ZBTB20: variants seen among roughly 807,000 people sequenced by gnomAD.
The protein encoded by ZBTB20 is zinc finger and BTB domain-containing protein 20.
A neutral mutation model predicts 56.9 loss-of-function variants in ZBTB20; 9 were observed. That is an observed-to-expected ratio of 0.16 (90% confidence interval 0.10 to 0.28). ZBTB20 has a LOEUF of 0.28. ZBTB20 is among the 10% of genes least tolerant of loss of function. The pLI, the probability that ZBTB20 is intolerant of heterozygous loss-of-function variation, is 1.00. For missense variants in ZBTB20, 655 were observed against 1,003.0 expected, an observed-to-expected ratio of 0.65 and a Z score of 4.69; for synonymous variants, 417 against 420.7, an observed-to-expected ratio of 0.99 and a Z score of 0.11.
intron 6 of ZBTB20, among the ~76,000 whole-genome samples, chr3:114,663,751 A>T (rs2060886888): frequency 6.6e-6 from 1 of 151,722 alleles, no homozygotes; most frequent in South Asian, 2.1e-4. Context: ...AGTCTCTGAT[A>T]AAACAGACTT....
rs2079134465 is a variant in ZBTB20 at position 114,328,552 on chromosome 3, G to T, written c.*10453C>A. The T allele has an allele frequency of 6.6e-6, 1 of 151,870 alleles. No individual in the cohort carries two copies. Among genetic ancestry groups the T allele is most frequent in the Admixed American group, 6.6e-5 (1 of 15,252 alleles). The allele number at this position is 151,870 out of a possible 1,614,324, so 9.4% of individuals were successfully genotyped here. A position where few individuals can be genotyped will look rare whatever the true frequency, so the allele number is the denominator to read the frequency against. Reference sequence around the variant, plus strand: ...CTCTTCATTTTTGGCCAAACGTGAAGGTAAGGGGAATTAATGACCTCAGCT... The same window carrying T: ...CTCTTCATTTTTGGCCAAACGTGAATGTAAGGGGAATTAATGACCTCAGCT... On this transcript the variant is annotated 3_prime_UTR_variant, in exon 12 of 12. Transcript: ENST00000675478.
intron 6 of ZBTB20, among the ~76,000 whole-genome samples, chr3:114,684,284 T>C (rs2062180407): frequency 6.6e-6 from 1 of 152,194 alleles, no homozygotes; most frequent in African/African-American, 2.4e-5. Flanking sequence ...AGGGAGCTTT[T>C]CCCAAAATGC....
chr3:115,116,051 T>C (rs1189147237), intron 1 of ZBTB20, among the ~76,000 whole-genome samples: 1 of 152,090 alleles, frequency 6.6e-6, no homozygotes, highest in Non-Finnish European at 1.5e-5. Flanking sequence ...GGGCTTGGAT[T>C]ATTAGTATCA....
intron 7 of ZBTB20, among the ~76,000 whole-genome samples, chr3:114,402,228 T>C (rs1276860133): frequency 6.6e-6 from 1 of 152,176 alleles, no homozygotes. Flanking sequence ...GCTCTTCAAT[T>C]GTTTAGGCAT....
chr3:114,717,069 C>T (rs1560163975), intron 5 of ZBTB20, among the ~76,000 whole-genome samples: 1 of 152,082 alleles, frequency 6.6e-6, no homozygotes, highest in African/African-American at 2.4e-5. Flanking sequence ...TGACCTCTGC[C>T]TCTGCTGCCT....
intron 6 of ZBTB20, among the ~76,000 whole-genome samples, chr3:114,542,076 T>C (rs1000332035): frequency 1.3e-5 from 2 of 152,194 alleles, no homozygotes; most frequent in Non-Finnish European, 2.9e-5. Context: ...TATTGAAAGA[T>C]ACCTAGAATT....
chr3:114,713,085 G>C (rs541932034), intron 5 of ZBTB20, among the ~76,000 whole-genome samples: 17 of 152,232 alleles, frequency 1.1e-4, no homozygotes, highest in African/African-American at 4.1e-4. Flanking sequence ...GTCTGTACTA[G>C]TATACCATAT....
chr3:114,570,931 T>C (rs1489993899), intron 6 of ZBTB20, among the ~76,000 whole-genome samples: 2 of 152,190 alleles, frequency 1.3e-5, no homozygotes, highest in African/African-American at 4.8e-5. Flanking sequence ...TACAACTATA[T>C]TTGTAAGGTA....
intron 2 of ZBTB20, among the ~76,000 whole-genome samples, chr3:115,023,036 A>C (rs2080269556): frequency 6.6e-6 from 1 of 150,920 alleles, no homozygotes. Flanking sequence ...GTAAGGAGAT[A>C]ACCTTCAATG....
rs935726022 is a variant in ZBTB20, at chr3:114,990,379, G to A, written c.-506-15963C>T. ...AGATAATCATGTGGTTTTTGTCTTT[G>A]GTTCTGTTTATATGCTGGATTACGT... On this transcript the variant is annotated intron_variant, in intron 2 of 11. Coordinates refer to ENST00000675478, the MANE Select transcript of ZBTB20 (RefSeq NM_001348800.3). 1.8e-4 allele frequency among the ~76,000 whole-genome samples: 27 copies of A among 152,164 alleles called. 1 individual carries two copies. The highest frequency in any genetic ancestry group is 7.7e-4 in the East Asian group (4 of 5,174).
At chr3:115,010,330 G>T (rs1272560271) in intron 2 of ZBTB20, among the ~76,000 whole-genome samples, 2 of 151,944 alleles carry the variant, frequency 1.3e-5, no homozygotes, top group Admixed American at 6.6e-5. Flanking sequence ...CCACTGCTGT[G>T]CTGGCTTCAG....
intron 1 of ZBTB20, among the ~76,000 whole-genome samples, chr3:115,137,133 A>T (rs973185761): frequency 1.1e-4 from 17 of 152,142 alleles, no homozygotes; most frequent in African/African-American, 4.1e-4. Flanking sequence ...ATGCATTAAA[A>T]ATAAGAGAAT....
intron 4 of ZBTB20, among the ~76,000 whole-genome samples, chr3:114,895,440 T>C (rs78020392): frequency 0.023 from 3,515 of 152,300 alleles, 47 homozygotes; most frequent in South Asian, 0.05. Flanking sequence ...TTGCAAGACA[T>C]ACCTCCATAA....
chr3:114,729,198 A>G (rs1462609375), intron 5 of ZBTB20, among the ~76,000 whole-genome samples: 1 of 152,234 alleles, frequency 6.6e-6, no homozygotes, highest in Non-Finnish European at 1.5e-5. Flanking sequence ...CTTTGCAAGA[A>G]AGATAAACTA....
intron 1 of ZBTB20, among the ~76,000 whole-genome samples, chr3:115,117,215 TTTTATA>T (rs1376771414): frequency 1.3e-5 from 2 of 152,250 alleles, no homozygotes; most frequent in East Asian, 3.8e-4. Context: ...TGAAATGTGT[TTTTATA>T]TTTATATCTA....
At chr3:114,701,046 T>C (rs994506638) in intron 5 of ZBTB20, among the ~76,000 whole-genome samples, 1 of 152,226 alleles carries the variant, frequency 6.6e-6, no homozygotes, top group African/African-American at 2.4e-5. Context: ...TCAATGAGCT[T>C]AATCTAGAGT....
At chr3:115,073,204 A>C (rs987139609) in intron 1 of ZBTB20, among the ~76,000 whole-genome samples, 12 of 152,224 alleles carry the variant, frequency 7.9e-5, no homozygotes, top group African/African-American at 2.9e-4. Flanking sequence ...GTTTAAGAAA[A>C]GCATTGCTTC....
At chr3:114,665,103 A>G (rs1382503732) in intron 6 of ZBTB20, among the ~76,000 whole-genome samples, 2 of 152,114 alleles carry the variant, frequency 1.3e-5, no homozygotes, top group African/African-American at 4.8e-5. Context: ...ATATTCAAAT[A>G]CAGTCGTTTG....
chr3:115,035,585 T>G (rs1018798558), intron 2 of ZBTB20, among the ~76,000 whole-genome samples: 1 of 148,032 alleles, frequency 6.8e-6, no homozygotes, highest in Admixed American at 6.6e-5. Flanking sequence ...CAAGTTTTAG[T>G]GAGGATATGG....
Sources: gnomAD v4.1 joint callset for allele counts (sites outside exome capture counted in the v4.1 genomes callset) on GRCh38, gnomAD v4.1.1 for gene constraint, MANE v1.5 for transcripts, NCBI Gene and HGNC (gene_info 2026-07-23, HGNC 2026-07-21) for gene names.